TSEN15: variants seen among roughly 807,000 people sequenced by gnomAD.
The protein encoded by TSEN15 is tRNA-splicing endonuclease subunit Sen15.
Under a neutral mutation model 20.5 loss-of-function variants are expected in TSEN15, and 10 were observed. The ratio of observed to expected loss-of-function variants is 0.49; its 90% confidence interval spans 0.30 to 0.83. The LOEUF is 0.83. Ranked by LOEUF, TSEN15 falls within the 40% of genes least tolerant of loss-of-function variation. The probability of loss-of-function intolerance (pLI) is 0.06; values close to 1 mark genes in which losing one functional copy is unlikely to be tolerated. For synonymous variants in TSEN15, 72 were observed against 80.1 expected, an observed-to-expected ratio of 0.90 and a Z score of 0.54; for missense variants, 180 against 218.6, an observed-to-expected ratio of 0.82 and a Z score of 1.11.
chr1:184,056,312 A>C (rs1173682593), intron 3 of TSEN15, among the ~76,000 whole-genome samples: 2 of 152,126 alleles, frequency 1.3e-5, no homozygotes, highest in South Asian at 2.1e-4. Context: ...CTTAATTTAC[A>C]TTTCCCTTAT....
At chr1:184,085,395 C>G (rs1355119729) in intron 3 of TSEN15, among the ~76,000 whole-genome samples, 1 of 152,042 alleles carries the variant, frequency 6.6e-6, no homozygotes, top group Non-Finnish European at 1.5e-5. Context: ...TTCTATATTC[C>G]CAGAAGTTAG....
intron 3 of TSEN15, among the ~76,000 whole-genome samples, chr1:184,056,558 A>G (rs1650254935): frequency 6.6e-6 from 1 of 152,100 alleles, no homozygotes; most frequent in Non-Finnish European, 1.5e-5. Flanking sequence ...ATATTTATCC[A>G]TCTTTTATAA....
chr1:184,053,799 T>A (rs916728403), intron 1 of TSEN15, among the ~76,000 whole-genome samples: 2 of 152,220 alleles, frequency 1.3e-5, no homozygotes, highest in Non-Finnish European at 2.9e-5. Context: ...GGACTGATAC[T>A]CTAGCAGATT....
intron 3 of TSEN15, among the ~76,000 whole-genome samples, chr1:184,056,888 A>T (rs1261995075): frequency 6.6e-6 from 1 of 152,114 alleles, no homozygotes. Context: ...CTTGCTTGGT[A>T]AGAAGTCTTG....
At chr1:184,091,114 C>T (rs1176468049) in intron 3 of TSEN15, among the ~76,000 whole-genome samples, 1 of 151,908 alleles carries the variant, frequency 6.6e-6, no homozygotes, top group Non-Finnish European at 1.5e-5. Context: ...TGGTCGGATA[C>T]TTACTTTTCA....
chr1:184,057,947 A>C (rs569712906), intron 3 of TSEN15, among the ~76,000 whole-genome samples: 1 of 152,220 alleles, frequency 6.6e-6, no homozygotes, highest in South Asian at 2.1e-4. Context: ...CTCAGAACTC[A>C]TTACTTCTGT....
intron 3 of TSEN15, among the ~76,000 whole-genome samples, chr1:184,082,135 G>A (rs1399050223): frequency 2.0e-5 from 3 of 152,258 alleles, no homozygotes; most frequent in South Asian, 4.1e-4. Flanking sequence ...TGGAGTGTTT[G>A]TATAGATCTA....
chr1:184,092,356 C>T (rs1190120513), intron 3 of TSEN15, among the ~76,000 whole-genome samples: 2 of 152,218 alleles, frequency 1.3e-5, no homozygotes, highest in Non-Finnish European at 2.9e-5. Flanking sequence ...CTAGCATCTA[C>T]AGACTAGGAA....
chr1:184,053,413 G>A (rs1209481298), intron 1 of TSEN15, among the ~76,000 whole-genome samples: 1 of 152,052 alleles, frequency 6.6e-6, no homozygotes, highest in Non-Finnish European at 1.5e-5. Context: ...CACATGTTTA[G>A]CTTGACCACC....
intron 3 of TSEN15, among the ~76,000 whole-genome samples, chr1:184,055,990 A>T (rs1272836094): frequency 6.6e-6 from 1 of 152,126 alleles, no homozygotes; most frequent in African/African-American, 2.4e-5. Context: ...AAAAAATCTT[A>T]TCTTTTAAGG....
chr1:184,062,209 T>C (rs1417843072), intron 3 of TSEN15, among the ~76,000 whole-genome samples: 1 of 152,126 alleles, frequency 6.6e-6, no homozygotes, highest in Admixed American at 6.6e-5. Context: ...GTAAAATAAT[T>C]TTTAGTTTGC....
intron 3 of TSEN15, 25 bp from the exon 4 acceptor site, chr1:184,072,132 A>G: frequency 1.2e-6 from 2 of 1,610,914 alleles, no homozygotes; most frequent in Non-Finnish European, 1.7e-6. Flanking sequence ...CGCAACTCCT[A>G]AGTATATTGT....
At chr1:184,071,819 G>A (rs1301970260) in intron 3 of TSEN15, among the ~76,000 whole-genome samples, 2 of 151,934 alleles carry the variant, frequency 1.3e-5, no homozygotes, top group Non-Finnish European at 2.9e-5. Context: ...ACACTCAAAA[G>A]GGCAGAGATT....
intron 3 of TSEN15, chr1:184,093,770 CAG>C (rs1334088527): frequency 6.6e-6 from 1 of 152,160 alleles, no homozygotes; most frequent in African/African-American, 2.4e-5. Context: ...GTAATTAGAG[CAG>C]AGTCTCTGGT....
chr1:184,092,102 T>C (rs1651369192), intron 3 of TSEN15, among the ~76,000 whole-genome samples: 1 of 152,176 alleles, frequency 6.6e-6, no homozygotes, highest in African/African-American at 2.4e-5. Flanking sequence ...TGACAAGTCT[T>C]TATCTCCAGG....
downstream of TSEN15, among the ~76,000 whole-genome samples, chr1:184,076,638 CCAAA>C (rs1438508757): frequency 1.3e-5 from 2 of 151,992 alleles, no homozygotes; most frequent in Non-Finnish European, 2.9e-5. Context: ...GCCTCTTGTG[CCAAA>C]CAGTCAAGTT....
intron 3 of TSEN15, among the ~76,000 whole-genome samples, chr1:184,057,868 G>T (rs1221114684): frequency 5.3e-5 from 8 of 151,896 alleles, no homozygotes; most frequent in African/African-American, 1.9e-4. Context: ...AGATTTAATC[G>T]CTAGTACTTT....
In TSEN15 at chr1:184,059,684, C is replaced by T. The variant is rs776903828; in HGVS notation, c.353+4821C>T. 9.2e-5 allele frequency among the ~76,000 whole-genome samples: 14 copies of T among 152,298 alleles called. 1 individual carries two copies. The highest frequency in any genetic ancestry group is 3.4e-3 in the Middle Eastern group (1 of 294). ...CTCCCGGGTTCAAGTGATTCTCCTG[C>T]TTCAGCGTTCTAAGTAGCTGGGATT... On this transcript the variant is annotated intron_variant, in intron 3 of 4. Transcript: ENST00000645668.
chr1:184,084,065 G>A (rs1651217348), intron 3 of TSEN15, among the ~76,000 whole-genome samples: 1 of 152,168 alleles, frequency 6.6e-6, no homozygotes, highest in South Asian at 2.1e-4. Context: ...AGTGACATGG[G>A]ACAGTTGTGT....
Sources: allele counts gnomAD v4.1 joint callset (sites outside exome capture counted in the v4.1 genomes callset), GRCh38; gene constraint gnomAD v4.1.1; transcripts MANE v1.5; gene names NCBI Gene and HGNC (gene_info 2026-07-23, HGNC 2026-07-21).